MFN2: variants seen among roughly 807,000 people sequenced by gnomAD.
MFN2 encodes mitofusin-2.
Under a neutral mutation model 87.5 loss-of-function variants are expected in MFN2, and 43 were observed. The observed-to-expected ratio is 0.49, with a 90% CI of 0.38 to 0.63. The LOEUF is 0.63. Ranked by LOEUF, MFN2 falls within the 30% of genes least tolerant of loss-of-function variation. The probability of loss-of-function intolerance (pLI) is 0.00; values close to 1 mark genes in which losing one functional copy is unlikely to be tolerated. For synonymous variants in MFN2, 337 were observed against 359.9 expected (o/e 0.94, Z 0.72); for missense variants, 743 against 972.8 (o/e 0.76, Z 3.14).
chr1:12,007,639 G>C (rs1202639077), intron 17 of MFN2, among the ~76,000 whole-genome samples: 1 of 152,222 alleles, frequency 6.6e-6, no homozygotes, highest in African/African-American at 2.4e-5. Context: ...ATCTGGGGTG[G>C]TGGGGATGAA....
chr1:11,991,911 G>A (rs1315570800), intron 3 of MFN2, among the ~76,000 whole-genome samples: 5 of 87,664 alleles, frequency 5.7e-5, no homozygotes, highest in African/African-American at 1.3e-4. Context: ...GCGACAGAGC[G>A]AGACTCCGTC....
intron 4 of MFN2, among the ~76,000 whole-genome samples, chr1:11,993,489 A>T (rs996795731): frequency 6.6e-6 from 1 of 152,206 alleles, no homozygotes; most frequent in Non-Finnish European, 1.5e-5. Context: ...TAATCCCAGC[A>T]CTTTGGGAGG....
intron 2 of MFN2, among the ~76,000 whole-genome samples, chr1:11,987,231 G>C (rs1463259416): frequency 2.6e-5 from 4 of 151,550 alleles, no homozygotes; most frequent in Non-Finnish European, 5.9e-5. Flanking sequence ...AGGATCGCTT[G>C]AACCTGGGAG....
chr1:12,005,207 G>A (rs542124313), intron 14 of MFN2, among the ~76,000 whole-genome samples: 11 of 152,242 alleles, frequency 7.2e-5, no homozygotes, highest in African/African-American at 2.2e-4. Context: ...CCAGCGTCCC[G>A]AGTAGCTGCG....
chr1:11,994,317 G>T (rs1374354952), intron 4 of MFN2, among the ~76,000 whole-genome samples: 1 of 152,184 alleles, frequency 6.6e-6, no homozygotes. Context: ...GACCAGGCAC[G>T]GTGGCTCACG....
Position 12,013,358 on chromosome 1 carries a change from C to T in MFN2, c.*1793C>T, listed in dbSNP as rs2100880403. 1 of 471,422 alleles carries T rather than the reference C, an allele frequency of 2.1e-6. No individual in the cohort carries two copies. Among genetic ancestry groups the T allele is most frequent in the African/African-American group, 2.0e-5 (1 of 50,194 alleles). 29.2% of individuals were successfully genotyped at this position (471,422 alleles called of 1,614,324 possible). A position where few individuals can be genotyped will look rare whatever the true frequency, so the allele number is the denominator to read the frequency against. On this transcript the variant is annotated 3_prime_UTR_variant, in exon 19 of 19. Transcript: ENST00000235329. ...GCCAAAAGCACTTTAATGCTGCTGA[C>T]ATTGTTGTTTTTATGTTCATTTGCT... is the stretch of plus-strand genomic sequence containing the variant.
Position 12,009,810 on chromosome 1 carries a change from TG to T in MFN2, c.2204+87del, listed in dbSNP as rs1440155140. On this transcript the variant is annotated intron_variant, in intron 18 of 18. Coordinates refer to ENST00000235329, the MANE Select transcript of MFN2 (RefSeq NM_014874.4). The stretch of plus-strand genomic sequence containing the variant: ...GGGCTCAGCTGCTGGGCTTGCGTCT[TG>T]GGTGTGGACACAAATTTTTCTGGTG... The T allele has an allele frequency of 2.5e-6, 4 of 1,598,056 alleles. No homozygotes were observed. In the African/African-American group the frequency reaches 5.4e-5, roughly 21 times the overall value.
At chr1:11,990,202 G>A (rs549217408) in intron 3 of MFN2, among the ~76,000 whole-genome samples, 4 of 152,292 alleles carry the variant, frequency 2.6e-5, no homozygotes, top group South Asian at 4.1e-4. Context: ...TTGGCTTCTC[G>A]TTGTTTTACA....
rs767640801 is a variant in MFN2, at chr1:11,996,264, T to G, written c.420T>G (p.Asp140Glu). 6.2e-6 allele frequency: 10 copies of G among 1,614,092 alleles called. No individual in the cohort carries two copies. The highest frequency in any genetic ancestry group is 5.9e-6 in the Non-Finnish European group (7 of 1,180,034). ...TNCFLRVEGT[D>E]GHEAFLLTEG... ...GCTTCCTGCGGGTAGAGGGCACAGA[T>G]GGCCATGAGGCCTTTCTCCTTACCG... The change falls in exon 5 of 19, where the codon GAT becomes GAG. Residue 140 changes from aspartate (D) to glutamate (E), a missense_variant. Around this residue, in one of 3 missense-constraint regions of MFN2, gnomAD observed 141 missense variants for 278.9 expected, o/e 0.51. Coordinates refer to ENST00000235329, the MANE Select transcript of MFN2 (RefSeq NM_014874.4).
At position 11,997,313 on chromosome 1, in the gene MFN2, C is replaced by T. The variant is rs1553142699; in HGVS notation, c.491C>T (p.Ala164Val). 1 of 1,614,162 alleles carries T rather than the reference C, an allele frequency of 6.2e-7. No individual in the cohort carries two copies. The highest frequency in any genetic ancestry group is 8.5e-7 in the Non-Finnish European group (1 of 1,180,018). ...KRSAKTVNQL[A>V]HALHQDKQLH... ...TGCCATCAGACTGTGAACCAGCTGG[C>T]CCATGCCCTCCACCAGGACAAGCAG... Residue 164 changes from alanine (A) to valine (V), a missense_variant, in exon 6 of 19, where the codon GCC (alanine) becomes GTC (valine). By Grantham distance (64) the Ala-to-Val change is moderately conservative. Transcript: ENST00000235329.
At chr1:11,993,456 C>T (rs1185909082) in intron 4 of MFN2, among the ~76,000 whole-genome samples, 6 of 152,132 alleles carry the variant, frequency 3.9e-5, no homozygotes, top group Non-Finnish European at 8.8e-5. Context: ...TAAAAATATG[C>T]CGGGCATGGT....
Position 12,004,789 on chromosome 1 carries a change from G to C in MFN2, c.1393-36G>C, listed in dbSNP as rs1204663170. On this transcript the variant is annotated intron_variant, in intron 13 of 18. Coordinates refer to ENST00000235329, the MANE Select transcript of MFN2 (RefSeq NM_014874.4). The surrounding 1 kb of genome is among the most constrained non-coding windows in gnomAD (Gnocchi z 4.2). ...ATGTGGCCTGAAGGGAATTTTGATGGACATGCTTCTCTTAACTTCCCTCTT... is the reference window on the plus strand; with the variant it reads ...ATGTGGCCTGAAGGGAATTTTGATGCACATGCTTCTCTTAACTTCCCTCTT... The C allele has an allele frequency of 1.3e-6, 2 of 1,598,496 alleles. No individual in the cohort carries two copies. Among genetic ancestry groups the C allele is most frequent in the Non-Finnish European group, 8.6e-7 (1 of 1,166,688 alleles).
At chr1:12,009,496 A>G in intron 17 of MFN2, 96 bp from the exon 18 acceptor site, 1 of 1,558,874 alleles carries the variant, frequency 6.4e-7, no homozygotes. Flanking sequence ...GCAGGGATAT[A>G]GACAGGCCCA....
chr1:11,988,189 G>A (rs1203064688), intron 2 of MFN2, among the ~76,000 whole-genome samples: 3 of 150,926 alleles, frequency 2.0e-5, no homozygotes, highest in Non-Finnish European at 1.5e-5. Flanking sequence ...TGCAACCTCC[G>A]CCTCCCAGGT....
rs1181874287 is a variant in MFN2, at chr1:12,005,730, T to C, written c.1515T>C (p.Leu505=). The change falls in exon 15 of 19, where the codon CTT becomes CTC. Residue 505 remains leucine (L), a synonymous_variant. Transcript: ENST00000235329. ...TGACAGATGGCTTGAAACCCCTCCT[T>C]CCTGTGTCTGTGCGGAGTCAGATAG... ...QDMIDGLKPL[L]PVSVRSQIDM... The C allele has an allele frequency of 6.2e-7, 1 of 1,614,178 alleles. No homozygotes were observed. Among genetic ancestry groups the C allele is most frequent in the East Asian group, 2.2e-5 (1 of 44,878 alleles).
At chr1:12,009,006 C>T (rs549565106) in intron 17 of MFN2, among the ~76,000 whole-genome samples, 22 of 152,328 alleles carry the variant, frequency 1.4e-4, no homozygotes, top group South Asian at 6.2e-4. Context: ...GAGACCAGCG[C>T]GGCCAACACA....
rs771746625 is a variant in MFN2 at position 12,001,567 on chromosome 1, A to G, written c.970+13A>G. On this transcript the variant is annotated intron_variant, in intron 9 of 18. Transcript: ENST00000235329. ...ATGCCTGAAGGAGGTAATGATGAGA[A>G]CAGATGTCCTCCTTTTCTCTGATGT... 1.5e-5 allele frequency: 25 copies of G among 1,613,976 alleles called. No individual in the cohort carries two copies. The East Asian group carries it at 5.1e-4, about 33-fold the overall frequency.
In MFN2 at chr1:12,005,613, C is replaced by A. The variant is rs539927199; in HGVS notation, c.1496-98C>A. The A allele has an allele frequency of 1.8e-4, 226 of 1,254,874 alleles. 2 individuals are homozygous for A. The South Asian group carries it at 1.9e-3, about 11-fold the overall frequency. The allele number at this position is 1,254,874 out of a possible 1,614,324, so 77.7% of individuals were successfully genotyped here. On this transcript the variant is annotated intron_variant, in intron 14 of 18. Transcript: ENST00000235329. ...GTTCCCAGGCAAAGCTGTTCAGCATCCCTGGCAGTAGCTGGTAGAGCCCTG... is the reference window on the plus strand; with the variant it reads ...GTTCCCAGGCAAAGCTGTTCAGCATACCTGGCAGTAGCTGGTAGAGCCCTG...
chr1:11,991,278 G>A (rs1389125465), intron 3 of MFN2, among the ~76,000 whole-genome samples: 1 of 152,236 alleles, frequency 6.6e-6, no homozygotes, highest in Non-Finnish European at 1.5e-5. Flanking sequence ...GACACAGACA[G>A]GTGAGCTGTA....
Sources: allele counts gnomAD v4.1 joint callset (sites outside exome capture counted in the v4.1 genomes callset), GRCh38; gene constraint gnomAD v4.1.1; regional missense constraint gnomAD v4.1.1; non-coding constraint Gnocchi (gnomAD v3.1); transcripts MANE v1.5; gene names NCBI Gene and HGNC (gene_info 2026-07-23, HGNC 2026-07-21).